The following SCFD2 variants were observed in gnomAD, a reference collection of about 807,000 sequenced individuals.
The protein encoded by SCFD2 is sec1 family domain-containing protein 2.
SCFD2 carries 54 observed loss-of-function variants against 58.9 expected under a neutral mutation model. The observed-to-expected ratio is 0.92, with a 90% CI of 0.74 to 1.15. The LOEUF is 1.15. Among genes scored for constraint, SCFD2 ranks in the 50% most tolerant of loss-of-function variants. The probability of loss-of-function intolerance (pLI) is 0.00; values close to 1 mark genes in which losing one functional copy is unlikely to be tolerated. For synonymous variants in SCFD2, 321 were observed against 335.9 expected (o/e 0.96, Z 0.49); for missense variants, 805 against 836.6 (o/e 0.96, Z 0.47).
chr4:53,230,709 CAT>C lies in SCFD2; in HGVS notation c.1311+43115_1311+43116del, dbSNP rs753963035. ...ATGGGTACAGCACACTAACATGGCACATATATACATATGTAACAAACCTGCAC... is the reference window on the plus strand; with the variant it reads ...ATGGGTACAGCACACTAACATGGCACATATACATATGTAACAAACCTGCAC... On this transcript the variant is annotated intron_variant, in intron 4 of 8. Coordinates refer to ENST00000401642, the MANE Select transcript of SCFD2 (RefSeq NM_152540.4). Among the ~76,000 whole-genome samples the C allele has an allele frequency of 8.6e-5, 13 of 152,014 alleles. 1 individual carries two copies. The South Asian group carries it at 1.9e-3, about 22-fold the overall frequency.
intron 4 of SCFD2, among the ~76,000 whole-genome samples, chr4:53,220,487 T>A (rs1262837272): frequency 6.6e-6 from 1 of 152,204 alleles, no homozygotes; most frequent in Non-Finnish European, 1.5e-5. Context: ...TTTGTTGAAA[T>A]AACTAAGTAA....
rs142647776 is a variant in SCFD2, at chr4:53,361,577, T to C, written c.838+3527A>G. Among the ~76,000 whole-genome samples, 1,215 of 152,192 alleles carry C rather than the reference T, an allele frequency of 8.0e-3. 6 individuals are homozygous for C. The highest frequency in any genetic ancestry group is 0.012 in the Non-Finnish European group (794 of 68,010). On this transcript the variant is annotated intron_variant, in intron 1 of 8. Transcript: ENST00000401642. ...ATACCTGGCTAATTTTTGTATTTTT[T>C]ATAGAGACAGGGTCTTACTCTGTTG...
intron 3 of SCFD2, among the ~76,000 whole-genome samples, chr4:53,286,856 G>A (rs1731684095): frequency 6.6e-6 from 1 of 152,110 alleles, no homozygotes; most frequent in African/African-American, 2.4e-5. Context: ...TGGTGCTACT[G>A]CACTTGGCCT....
intron 5 of SCFD2, among the ~76,000 whole-genome samples, chr4:52,994,334 C>T (rs573680905): frequency 1.3e-5 from 2 of 152,256 alleles, no homozygotes; most frequent in African/African-American, 2.4e-5. Context: ...AAATTATGAG[C>T]GGGGAAGTGG....
intron 4 of SCFD2, among the ~76,000 whole-genome samples, chr4:53,178,219 C>A (rs534816175): frequency 4.3e-4 from 65 of 152,304 alleles, no homozygotes; most frequent in Admixed American, 1.2e-3. Flanking sequence ...GGTCCCTGAC[C>A]CCCGAGTAGC....
At chr4:52,885,961 C>G in intron 7 of SCFD2, 95 bp from the exon 8 acceptor site, 1 of 1,483,690 alleles carries the variant, frequency 6.7e-7, no homozygotes, top group Non-Finnish European at 9.2e-7. Flanking sequence ...GTAGAAACCT[C>G]AGGACTACTA....
chr4:53,354,390 C>T (rs1184197701), intron 1 of SCFD2, among the ~76,000 whole-genome samples: 4 of 152,236 alleles, frequency 2.6e-5, no homozygotes, highest in Admixed American at 6.5e-5. Flanking sequence ...GCCGAGCCCA[C>T]GCCCACATGG....
chr4:53,166,194 C>T (rs1727001432), intron 4 of SCFD2, among the ~76,000 whole-genome samples: 1 of 152,152 alleles, frequency 6.6e-6, no homozygotes, highest in Non-Finnish European at 1.5e-5. Flanking sequence ...TTTAAATTGT[C>T]TCTACTTTTC....
rs1459776209 is a variant in SCFD2 at position 52,948,539 on chromosome 4, A to G, written c.1562-27669T>C. ...AGTGAAAATGCAATTTAATCTGTAC[A>G]GAACTAAACAAATGTAAGTCAGTGC... On this transcript the variant is annotated intron_variant, in intron 5 of 8. Transcript: ENST00000401642. 1.8e-5 allele frequency: 8 copies of G among 456,526 alleles called. No individual in the cohort carries two copies. In the East Asian group the frequency reaches 2.8e-4, roughly 16 times the overall value. The allele number at this position is 456,526 out of a possible 1,614,324, so 28.3% of individuals were successfully genotyped here.
chr4:53,270,451 G>A (rs1013048652), intron 4 of SCFD2, among the ~76,000 whole-genome samples: 1 of 152,136 alleles, frequency 6.6e-6, no homozygotes, highest in Non-Finnish European at 1.5e-5. Flanking sequence ...TCAGGAATAA[G>A]ATGAAGATGC....
intron 5 of SCFD2, among the ~76,000 whole-genome samples, chr4:52,940,046 A>G (rs769025991): frequency 5.8e-4 from 88 of 152,222 alleles, no homozygotes; most frequent in Non-Finnish European, 1.2e-3. Context: ...GGCACCCCCA[A>G]CTCAGGAGGA....
chr4:52,988,597 C>T (rs1445369228), intron 5 of SCFD2, among the ~76,000 whole-genome samples: 1 of 152,114 alleles, frequency 6.6e-6, no homozygotes, highest in Non-Finnish European at 1.5e-5. Context: ...TAGTCTGGAT[C>T]CCCCTTAATT....
chr4:52,913,251 G>A (rs929093990), intron 6 of SCFD2, among the ~76,000 whole-genome samples: 20 of 152,194 alleles, frequency 1.3e-4, no homozygotes, highest in African/African-American at 4.3e-4. Context: ...GTTAGGAACC[G>A]GGCCACACAG....
At chr4:53,044,916 C>CCCACCA (rs59844812) in intron 5 of SCFD2, among the ~76,000 whole-genome samples, 1 of 110,288 alleles carries the variant, frequency 9.1e-6, no homozygotes, top group African/African-American at 5.9e-5. Context: ...ACCCCCCCCC[C>CCCACCA]CCGCCCACAA....
At chr4:53,215,098 C>T (rs956727517) in intron 4 of SCFD2, among the ~76,000 whole-genome samples, 10 of 152,076 alleles carry the variant, frequency 6.6e-5, no homozygotes, top group African/African-American at 2.2e-4. Context: ...ATGCCTCAAG[C>T]TTTATTCTTT....
intron 4 of SCFD2, among the ~76,000 whole-genome samples, chr4:53,198,735 T>G (rs1728137765): frequency 6.6e-6 from 1 of 151,974 alleles, no homozygotes; most frequent in South Asian, 2.1e-4. Flanking sequence ...CCCTCATATG[T>G]ATACTTCTTG....
intron 4 of SCFD2, among the ~76,000 whole-genome samples, chr4:53,194,117 C>A (rs1160195506): frequency 6.6e-6 from 1 of 152,190 alleles, no homozygotes; most frequent in Non-Finnish European, 1.5e-5. Flanking sequence ...TATACACAGA[C>A]AACGTACATT....
intron 3 of SCFD2, among the ~76,000 whole-genome samples, chr4:53,299,256 T>G (rs1350922082): frequency 6.6e-6 from 1 of 152,196 alleles, no homozygotes; most frequent in East Asian, 1.9e-4. Flanking sequence ...TTAAAGGACC[T>G]GATGGAGCTG....
intron 5 of SCFD2, among the ~76,000 whole-genome samples, chr4:52,934,337 G>C (rs959734362): frequency 1.3e-5 from 2 of 152,210 alleles, no homozygotes; most frequent in African/African-American, 4.8e-5. Flanking sequence ...CTCATAAAAA[G>C]AGACAGGTCT....
Sources: gnomAD v4.1 joint callset for allele counts (sites outside exome capture counted in the v4.1 genomes callset) on GRCh38, gnomAD v4.1.1 for gene constraint, MANE v1.5 for transcripts, NCBI Gene and HGNC (gene_info 2026-07-23, HGNC 2026-07-21) for gene names.